Variants in TLN2 observed in about 807,000 individuals in gnomAD.
TLN2 encodes talin-2.
TLN2 carries 118 observed loss-of-function variants against 294.7 expected under a neutral mutation model. The observed-to-expected ratio is 0.40, with a 90% CI of 0.34 to 0.47. The LOEUF is 0.47. Ranked by LOEUF, TLN2 falls within the 20% of genes least tolerant of loss-of-function variation. TLN2 has a pLI of 0.84. For missense variants in TLN2, 3,083 were observed against 3,282.2 expected (o/e 0.94, Z 1.48); for synonymous variants, 1,431 against 1,304.5 (o/e 1.10, Z -2.09).
At chr15:62,774,028 A>G (rs1244256454) in intron 42 of TLN2, among the ~76,000 whole-genome samples, 2 of 151,830 alleles carry the variant, frequency 1.3e-5, no homozygotes, top group African/African-American at 2.4e-5. Context: ...ACCCCGCCCA[A>G]TTCCCTTCTG....
At chr15:62,776,740 A>T (rs775659045) in intron 42 of TLN2, 24 bp from the exon 43 acceptor site, 1 of 1,479,518 alleles carries the variant, frequency 6.8e-7, no homozygotes, top group African/African-American at 1.4e-5. Context: ...TGCTTAAGGA[A>T]ATGTTTCACA....
rs193270684 is a variant in TLN2, at chr15:62,669,987, G to A, written c.789-3840G>A. Among the ~76,000 whole-genome samples, 30 of 152,308 alleles carry A rather than the reference G, an allele frequency of 2.0e-4. No homozygotes were observed. In the East Asian group the frequency reaches 5.6e-3, roughly 28 times the overall value. ...TTTAGTAACTCCTGAAGACTGCATA[G>A]GAGGCAGATTCGGATGGGCTGGTTT... On this transcript the variant is annotated intron_variant, in intron 9 of 58. Transcript: ENST00000636159.
intron 11 of TLN2, among the ~76,000 whole-genome samples, chr15:62,678,698 G>A (rs1344746241): frequency 6.6e-6 from 1 of 152,196 alleles, no homozygotes; most frequent in Non-Finnish European, 1.5e-5. Flanking sequence ...AGATGTGGTG[G>A]TGCACATCTG....
rs891351385 is a variant in TLN2, at chr15:62,538,565, G to A, written c.-237-51122G>A. ...TAGCAACAAATTCTGTCCCTGTTGT[G>A]TAGGCTCTAGGACCCCTTTCAAACA... On this transcript the variant is annotated intron_variant, in intron 1 of 58. Transcript: ENST00000636159. Among the ~76,000 whole-genome samples, 79 of 152,154 alleles carry A rather than the reference G, an allele frequency of 5.2e-4. 1 individual carries two copies. Among genetic ancestry groups the A allele is most frequent in the Non-Finnish European group, 1.8e-4 (12 of 68,026 alleles).
At chr15:62,651,885 G>C (rs192038401) in intron 5 of TLN2, 120 bp from the exon 6 acceptor site, 1 of 1,201,488 alleles carries the variant, frequency 8.3e-7, no homozygotes, top group Admixed American at 2.7e-5. Flanking sequence ...TGTTTTAGAA[G>C]AAAGGGAAAA....
intron 19 of TLN2, among the ~76,000 whole-genome samples, chr15:62,704,771 G>A (rs1404043425): frequency 6.6e-6 from 1 of 152,196 alleles, no homozygotes; most frequent in African/African-American, 2.4e-5. Flanking sequence ...CAAGTTAATT[G>A]TGTCCCCATT....
intron 3 of TLN2, among the ~76,000 whole-genome samples, chr15:62,643,783 C>T (rs908778207): frequency 3.3e-5 from 5 of 152,094 alleles, no homozygotes; most frequent in African/African-American, 7.2e-5. Flanking sequence ...AGACTCTGCA[C>T]CCAGGGTCCT....
chr15:62,577,495 T>C (rs2044530060), intron 1 of TLN2, among the ~76,000 whole-genome samples: 1 of 152,112 alleles, frequency 6.6e-6, no homozygotes, highest in Admixed American at 6.5e-5. Context: ...ACAAAAGAAC[T>C]ACTTCATAAA....
chr15:62,664,484 A>G (rs1442534099), intron 9 of TLN2, among the ~76,000 whole-genome samples: 1 of 152,080 alleles, frequency 6.6e-6, no homozygotes, highest in Non-Finnish European at 1.5e-5. Flanking sequence ...AAATATATAC[A>G]CAAAGAGAAA....
chr15:62,719,644 C>G (rs1271089789), intron 24 of TLN2, 123 bp from the exon 25 acceptor site: 1 of 681,934 alleles, frequency 1.5e-6, no homozygotes, highest in Non-Finnish European at 2.3e-6. Flanking sequence ...TATCCAAGGT[C>G]TGGGGCTGGC....
chr15:62,587,967 G>A (rs537550833), intron 1 of TLN2, among the ~76,000 whole-genome samples: 3 of 151,858 alleles, frequency 2.0e-5, no homozygotes, highest in South Asian at 2.1e-4. Context: ...TGCAAGCTCC[G>A]CCTCCCGGGT....
rs142944610 is a variant in TLN2 at position 62,548,728 on chromosome 15, A to G, written c.-237-40959A>G. On this transcript the variant is annotated intron_variant, in intron 1 of 58. Transcript: ENST00000636159. ...TGCTGATTAGGTTATGCTGGTAAACATCAACCTCTGGAGCTAAGTTTGGGG... is the reference window on the plus strand; with the variant it reads ...TGCTGATTAGGTTATGCTGGTAAACGTCAACCTCTGGAGCTAAGTTTGGGG... Among the ~76,000 whole-genome samples the G allele has an allele frequency of 2.0e-5, 3 of 152,338 alleles. No individual in the cohort carries two copies. In the East Asian group the frequency reaches 5.8e-4, roughly 29 times the overall value.
At chr15:62,757,313 A>C (rs1011882664) in intron 37 of TLN2, among the ~76,000 whole-genome samples, 1 of 152,146 alleles carries the variant, frequency 6.6e-6, no homozygotes, top group African/African-American at 2.4e-5. Context: ...GGGAAGAAAG[A>C]CCTTGCTGTG....
intron 1 of TLN2, among the ~76,000 whole-genome samples, chr15:62,567,492 G>A (rs1282972434): frequency 2.0e-5 from 3 of 152,180 alleles, no homozygotes; most frequent in East Asian, 3.9e-4. Flanking sequence ...GCTGGTGGGA[G>A]TAATATCCAG....
intron 1 of TLN2, among the ~76,000 whole-genome samples, chr15:62,513,958 C>T (rs1462248921): frequency 1.3e-5 from 2 of 152,214 alleles, no homozygotes; most frequent in Non-Finnish European, 2.9e-5. Flanking sequence ...AGATCTCTTA[C>T]AAGTTAACCC....
At chr15:62,786,256 T>G (rs994641607) in intron 45 of TLN2, among the ~76,000 whole-genome samples, 5 of 152,172 alleles carry the variant, frequency 3.3e-5, no homozygotes, top group African/African-American at 1.2e-4. Context: ...AATATTTATA[T>G]CCAGGGGAAA....
In TLN2 at chr15:62,761,222, A is replaced by G. The variant is rs567853048; in HGVS notation, c.4639-459A>G. 1.1e-4 allele frequency among the ~76,000 whole-genome samples: 17 copies of G among 152,362 alleles called. 1 individual carries two copies. In the South Asian group the frequency reaches 3.5e-3, roughly 32 times the overall value. ...AGGGAATATCCAGGTAAAACTTAGA[A>G]AAAGTTAAAAGTACTGCTTTAAAAT... On this transcript the variant is annotated intron_variant, in intron 37 of 58. Coordinates refer to ENST00000636159, the MANE Select transcript of TLN2 (RefSeq NM_015059.3).
At chr15:62,791,232 G>C (rs2065056144) in intron 45 of TLN2, among the ~76,000 whole-genome samples, 1 of 151,920 alleles carries the variant, frequency 6.6e-6, no homozygotes, top group African/African-American at 2.4e-5. Flanking sequence ...GTGGCCACCT[G>C]TAATCCCAGC....
rs1302726683 is a variant in TLN2, at chr15:62,617,211, C to T, written c.-161-1140C>T. Among the ~76,000 whole-genome samples the T allele has an allele frequency of 2.6e-5, 4 of 151,986 alleles. No homozygotes were observed. In the East Asian group the frequency reaches 7.8e-4, roughly 30 times the overall value. On this transcript the variant is annotated intron_variant, in intron 2 of 58. Transcript: ENST00000636159. ...TCTTTATGCATTTGCAGAAATTGTA[C>T]AGCAGCTGACACATGTCCAAGCAGA... is the stretch of plus-strand genomic sequence containing the variant.
Sources: allele counts gnomAD v4.1 joint callset (sites outside exome capture counted in the v4.1 genomes callset), GRCh38; gene constraint gnomAD v4.1.1; transcripts MANE v1.5; gene names NCBI Gene and HGNC (gene_info 2026-07-23, HGNC 2026-07-21).